Variants in USH2A observed in about 807,000 individuals in gnomAD.
USH2A encodes the protein Usher syndrome 2A (autosomal recessive, mild).
Under a neutral mutation model 538.9 loss-of-function variants are expected in USH2A, and 443 were observed. That is an observed-to-expected ratio of 0.82 (90% CI 0.76 to 0.89). USH2A has a LOEUF of 0.89. Ranked by LOEUF, USH2A falls within the 40% of genes least tolerant of loss-of-function variation. The pLI, the probability that USH2A is intolerant of heterozygous loss-of-function variation, is 0.00. For missense variants in USH2A, 6,633 were observed against 6,324.8 expected (o/e 1.05, Z -1.65); for synonymous variants, 2,413 against 2,273.5 (o/e 1.06, Z -1.75).
At chr1:216,277,908 A>G (rs1255324394) in intron 11 of USH2A, among the ~76,000 whole-genome samples, 1 of 152,110 alleles carries the variant, frequency 6.6e-6, no homozygotes, top group Admixed American at 6.6e-5. Context: ...AGATCCAACA[A>G]GGAGGTAGGA....
At position 216,232,014 on chromosome 1, in the gene USH2A, C is replaced by A. The variant is rs1282956173; in HGVS notation, c.2932G>T (p.Ala978Ser). 1 of 1,614,000 alleles carries A rather than the reference C, an allele frequency of 6.2e-7. No homozygotes were observed. Among genetic ancestry groups the A allele is most frequent in the Non-Finnish European group, 8.5e-7 (1 of 1,179,924 alleles). Reference protein sequence around the residue: ...GQCVCQDASIAGQRCDQCKDH... With the variant: ...GQCVCQDASISGQRCDQCKDH... ...TTGCATTGGTCACAACGTTGCCCAG[C>A]AATGGAAGCATCTTGGCAAACACAC... is the stretch of plus-strand genomic sequence containing the variant. Residue 978 changes from alanine (A) to serine (S), a missense_variant, in exon 14 of 72, where the codon GCT becomes TCT. Transcript: ENST00000307340.
chr1:216,015,886 A>T (rs1288258234), intron 32 of USH2A, among the ~76,000 whole-genome samples: 1 of 152,192 alleles, frequency 6.6e-6, no homozygotes, highest in East Asian at 1.9e-4. Context: ...ATAAAGACAC[A>T]TGCATACGTA....
intron 4 of USH2A, among the ~76,000 whole-genome samples, chr1:216,340,023 T>C (rs2038046263): frequency 6.6e-6 from 1 of 151,214 alleles, no homozygotes; most frequent in Non-Finnish European, 1.5e-5. Flanking sequence ...CGAAAAACCC[T>C]TCAAAAAATC....
At chr1:216,259,085 G>T (rs1195338704) in intron 11 of USH2A, among the ~76,000 whole-genome samples, 1 of 152,046 alleles carries the variant, frequency 6.6e-6, no homozygotes, top group Non-Finnish European at 1.5e-5. Context: ...TCCTTCAACT[G>T]TTCCTGTTAA....
chr1:215,648,511 T>C lies in USH2A; in HGVS notation c.14582+17A>G. The C allele has an allele frequency of 6.2e-7, 1 of 1,612,544 alleles. No homozygotes were observed. Among genetic ancestry groups the C allele is most frequent in the Non-Finnish European group, 8.5e-7 (1 of 1,178,544 alleles). ...CATGCCTTGTTAGTTTCTTCATCCTTCTGCCTGACCCATTACCTGTGAATG... is the reference window on the plus strand; with the variant it reads ...CATGCCTTGTTAGTTTCTTCATCCTCCTGCCTGACCCATTACCTGTGAATG... On this transcript the variant is annotated intron_variant, in intron 66 of 71. Transcript: ENST00000307340.
At chr1:216,349,292 A>G (rs2038233337) in intron 4 of USH2A, among the ~76,000 whole-genome samples, 1 of 152,070 alleles carries the variant, frequency 6.6e-6, no homozygotes, top group Non-Finnish European at 1.5e-5. Context: ...TCATCCCTCT[A>G]CAACTCTTAA....
intron 32 of USH2A, among the ~76,000 whole-genome samples, chr1:216,041,481 G>A (rs911099947): frequency 6.6e-6 from 1 of 152,028 alleles, no homozygotes; most frequent in Non-Finnish European, 1.5e-5. Context: ...AGATCCACTG[G>A]CAAACCCTAC....
intron 43 of USH2A, among the ~76,000 whole-genome samples, chr1:215,868,541 G>T (rs1664541381): frequency 6.6e-6 from 1 of 152,030 alleles, no homozygotes; most frequent in African/African-American, 2.4e-5. Context: ...TTTCTGCTTT[G>T]TCTGCTGTAG....
At chr1:216,228,062 A>T (rs2035595376) in intron 14 of USH2A, among the ~76,000 whole-genome samples, 1 of 152,182 alleles carries the variant, frequency 6.6e-6, no homozygotes, top group Non-Finnish European at 1.5e-5. Context: ...TTAAGGAGGG[A>T]TAATGGGATA....
intron 47 of USH2A, among the ~76,000 whole-genome samples, chr1:215,830,047 G>C (rs988970395): frequency 6.6e-6 from 1 of 152,120 alleles, no homozygotes; most frequent in Non-Finnish European, 1.5e-5. Flanking sequence ...CTAACAATAA[G>C]GCTGATCAGG....
intron 69 of USH2A, among the ~76,000 whole-genome samples, chr1:215,637,393 C>G (rs753021086): frequency 6.6e-6 from 1 of 152,176 alleles, no homozygotes; most frequent in Non-Finnish European, 1.5e-5. Flanking sequence ...GATTCCTATG[C>G]GTACTTAACT....
intron 11 of USH2A, among the ~76,000 whole-genome samples, chr1:216,285,239 C>T (rs927731043): frequency 5.3e-5 from 8 of 152,296 alleles, no homozygotes; most frequent in Middle Eastern, 3.4e-3. Context: ...GGCCCAGGGC[C>T]CCCCCACTGT....
At chr1:216,337,503 A>G (rs1376403467) in intron 4 of USH2A, among the ~76,000 whole-genome samples, 1 of 151,436 alleles carries the variant, frequency 6.6e-6, no homozygotes, top group African/African-American at 2.4e-5. Flanking sequence ...CATAATATAC[A>G]AGTAGAAAAC....
intron 9 of USH2A, among the ~76,000 whole-genome samples, chr1:216,318,137 T>C (rs2037542865): frequency 6.6e-6 from 1 of 152,220 alleles, no homozygotes; most frequent in African/African-American, 2.4e-5. Context: ...TTGCCAAGAA[T>C]TGGCATATTT....
At chr1:215,642,002 C>T (rs916883908) in intron 67 of USH2A, among the ~76,000 whole-genome samples, 1 of 152,158 alleles carries the variant, frequency 6.6e-6, no homozygotes, top group Non-Finnish European at 1.5e-5. Context: ...CTCTCCATCA[C>T]CTTAGTTCAG....
At chr1:216,256,320 C>CT (rs2036257887) in intron 11 of USH2A, among the ~76,000 whole-genome samples, 3 of 115,988 alleles carry the variant, frequency 2.6e-5, no homozygotes, top group African/African-American at 1.1e-4. Flanking sequence ...TTTCTTTTTT[C>CT]CTTTTTTTTT....
intron 66 of USH2A, among the ~76,000 whole-genome samples, chr1:215,648,081 T>C (rs1031586701): frequency 6.6e-6 from 1 of 152,202 alleles, no homozygotes; most frequent in Non-Finnish European, 1.5e-5. Context: ...TTTTTCTAAA[T>C]GATTTTGAGT....
intron 61 of USH2A, among the ~76,000 whole-genome samples, chr1:215,685,512 C>T (rs748617674): frequency 1.5e-4 from 23 of 151,850 alleles, no homozygotes; most frequent in Non-Finnish European, 3.1e-4. Context: ...CACCCGCCAC[C>T]ACGCCCAGGT....
intron 32 of USH2A, among the ~76,000 whole-genome samples, chr1:216,006,096 T>G (rs1034960548): frequency 3.3e-5 from 5 of 152,178 alleles, no homozygotes; most frequent in African/African-American, 1.2e-4. Flanking sequence ...TCTAACATCC[T>G]CAATAATGAC....
Sources: allele counts gnomAD v4.1 joint callset (sites outside exome capture counted in the v4.1 genomes callset), GRCh38; gene constraint gnomAD v4.1.1; transcripts MANE v1.5; gene names NCBI Gene and HGNC (gene_info 2026-07-23, HGNC 2026-07-21).